SMIM14: variants seen among roughly 807,000 people sequenced by gnomAD.
The protein encoded by SMIM14 is small integral membrane protein 14.
In SMIM14, 5 loss-of-function variants were observed where a neutral mutation model predicts 12.6. That is an observed-to-expected ratio of 0.40 (90% confidence interval 0.21 to 0.83). SMIM14 has a LOEUF of 0.83. Among genes scored for constraint, SMIM14 ranks in the 40% least tolerant of loss-of-function variants. The pLI is 0.37. For synonymous variants in SMIM14, 30 were observed against 40.1 expected (o/e 0.75, Z 0.95); for missense variants, 86 against 119.1 (o/e 0.72, Z 1.29).
At chr4:39,625,230 A>G (rs916191867) in intron 1 of SMIM14, among the ~76,000 whole-genome samples, 25 of 151,848 alleles carry the variant, frequency 1.6e-4, no homozygotes, top group Admixed American at 3.9e-4. Context: ...AAAAAAAAAA[A>G]AAAGAAAGAA....
At chr4:39,569,300 C>T (rs1712742218) in intron 3 of SMIM14, among the ~76,000 whole-genome samples, 2 of 152,172 alleles carry the variant, frequency 1.3e-5, no homozygotes, top group Admixed American at 1.3e-4. Flanking sequence ...ACTGCACTAG[C>T]TCCCACTTCT....
At chr4:39,597,364 A>G (rs1462199661) in intron 2 of SMIM14, among the ~76,000 whole-genome samples, 1 of 152,008 alleles carries the variant, frequency 6.6e-6, no homozygotes, top group Admixed American at 6.6e-5. Context: ...AAATCAGGGA[A>G]AATTGTACTT....
intron 2 of SMIM14, among the ~76,000 whole-genome samples, chr4:39,599,846 C>T (rs1052848757): frequency 5.9e-5 from 9 of 151,344 alleles, no homozygotes; most frequent in African/African-American, 1.9e-4. Context: ...TGCTTGAACC[C>T]GGGAAGCGGA....
At chr4:39,609,299 G>A (rs1463545681) in intron 1 of SMIM14, among the ~76,000 whole-genome samples, 5 of 151,994 alleles carry the variant, frequency 3.3e-5, no homozygotes, top group Admixed American at 6.6e-5. Context: ...CATTTTAAAC[G>A]GGTGCATTGT....
At chr4:39,598,701 TAA>T (rs1343055219) in intron 2 of SMIM14, among the ~76,000 whole-genome samples, 2 of 152,248 alleles carry the variant, frequency 1.3e-5, no homozygotes, top group Non-Finnish European at 1.5e-5. Context: ...TGTGTTTCTT[TAA>T]AGTTAGTACT....
At chr4:39,584,897 T>C (rs936206621) in intron 2 of SMIM14, among the ~76,000 whole-genome samples, 7 of 151,438 alleles carry the variant, frequency 4.6e-5, no homozygotes, top group Non-Finnish European at 1.0e-4. Flanking sequence ...CTAACACTAA[T>C]AGGTTGGGCT....
chr4:39,617,849 A>G (rs1392143643), intron 1 of SMIM14, among the ~76,000 whole-genome samples: 1 of 152,248 alleles, frequency 6.6e-6, no homozygotes, highest in African/African-American at 2.4e-5. Context: ...TTGGTATAGT[A>G]TTTTGTTAAA....
Position 39,552,114 on chromosome 4 carries a change from C to T in SMIM14, c.*12G>A. 1 of 1,591,446 alleles carries T rather than the reference C, an allele frequency of 6.3e-7. No individual in the cohort carries two copies. The highest frequency in any genetic ancestry group is 8.6e-7 in the Non-Finnish European group (1 of 1,168,502). On this transcript the variant is annotated 3_prime_UTR_variant, in exon 5 of 5. Coordinates refer to ENST00000295958, the MANE Select transcript of SMIM14 (RefSeq NM_174921.3). ...CAAGGTGTTAACTATTTTCACTTCC[C>T]ATATCACAAAGTTAGTCCACAGGAG...
chr4:39,616,997 C>T (rs1421145634), intron 1 of SMIM14, among the ~76,000 whole-genome samples: 2 of 152,120 alleles, frequency 1.3e-5, no homozygotes, highest in African/African-American at 4.8e-5. Context: ...GTACATTAAA[C>T]TCATTATACC....
At chr4:39,559,578 C>T (rs1712190095) in intron 3 of SMIM14, among the ~76,000 whole-genome samples, 1 of 152,102 alleles carries the variant, frequency 6.6e-6, no homozygotes, top group African/African-American at 2.4e-5. Context: ...ATCTGATACA[C>T]TGCATTGGGT....
At chr4:39,638,588 C>T (rs62307837) in intron 1 of SMIM14, 151 bp downstream of exon 1, 1 of 980,430 alleles carries the variant, frequency 1.0e-6, no homozygotes, top group Non-Finnish European at 1.2e-6. Flanking sequence ...TGCAGAATCG[C>T]CAGCCCGGCC....
chr4:39,631,468 C>A (rs1715894671), intron 1 of SMIM14, among the ~76,000 whole-genome samples: 2 of 151,450 alleles, frequency 1.3e-5, no homozygotes, highest in South Asian at 4.2e-4. Context: ...ACCATCCTGG[C>A]TAACATGGTG....
chr4:39,547,014 G>A lies in SMIM14; in HGVS notation c.*5112C>T, dbSNP rs1198260173. The A allele has an allele frequency of 2.6e-5, 4 of 152,122 alleles. No homozygotes were observed. Among genetic ancestry groups the A allele is most frequent in the African/African-American group, 9.7e-5 (4 of 41,416 alleles). The allele number at this position is 152,122 out of a possible 1,614,324, so 9.4% of individuals were successfully genotyped here. On this transcript the variant is annotated 3_prime_UTR_variant, in exon 5 of 5. Coordinates refer to ENST00000295958, the MANE Select transcript of SMIM14 (RefSeq NM_174921.3). ...TGGATATTAGTCCCTCAAAGTAAAT[G>A]TCTATTTTACCTGGTATTCTAGGAA...
intron 1 of SMIM14, among the ~76,000 whole-genome samples, chr4:39,615,987 A>G (rs755793045): frequency 2.6e-5 from 4 of 152,244 alleles, no homozygotes; most frequent in Non-Finnish European, 5.9e-5. Flanking sequence ...AAGCAATGAA[A>G]CATACTATGT....
At chr4:39,563,909 T>C (rs920821434) in intron 3 of SMIM14, among the ~76,000 whole-genome samples, 13 of 151,716 alleles carry the variant, frequency 8.6e-5, no homozygotes, top group Non-Finnish European at 1.6e-4. Context: ...CTTCCCCTTC[T>C]CTTCCTCTTC....
chr4:39,592,095 C>T (rs1002120772), intron 2 of SMIM14, among the ~76,000 whole-genome samples: 1 of 152,018 alleles, frequency 6.6e-6, no homozygotes, highest in Non-Finnish European at 1.5e-5. Flanking sequence ...ACTCTGGAGA[C>T]TGAGGTGGGA....
In SMIM14 at chr4:39,571,591, T is replaced by A. The variant is rs183160044; in HGVS notation, c.124+824A>T. ...AAGACACTGTTTCTTAAAAAAAAAT[T>A]TTTTTAAATTAAAGAAAAAAAAAGA... On this transcript the variant is annotated intron_variant, in intron 3 of 4. Transcript: ENST00000295958. Among the ~76,000 whole-genome samples, 678 of 151,834 alleles carry A rather than the reference T, an allele frequency of 4.5e-3. 10 individuals carry two copies. The highest frequency in any genetic ancestry group is 0.015 in the African/African-American group (630 of 41,414).
chr4:39,556,699 T>C (rs1057437098), intron 3 of SMIM14, 129 bp from the exon 4 acceptor site: 7 of 842,054 alleles, frequency 8.3e-6, no homozygotes, highest in South Asian at 5.1e-5. Context: ...CAAAAGTACA[T>C]ATTATATCTT....
intron 1 of SMIM14, among the ~76,000 whole-genome samples, chr4:39,610,705 A>T: frequency 6.6e-6 from 1 of 151,986 alleles, no homozygotes; most frequent in Non-Finnish European, 1.5e-5. Flanking sequence ...TTAAAAAAAA[A>T]AAAAAAACTG....
Sources: gnomAD v4.1 joint callset for allele counts (sites outside exome capture counted in the v4.1 genomes callset) on GRCh38, gnomAD v4.1.1 for gene constraint, MANE v1.5 for transcripts, NCBI Gene and HGNC (gene_info 2026-07-23, HGNC 2026-07-21) for gene names.